UNC5D: variants seen among roughly 807,000 people sequenced by gnomAD.
UNC5D encodes the protein netrin receptor UNC5D.
Under a neutral mutation model 105.4 loss-of-function variants are expected in UNC5D, and 39 were observed. The observed-to-expected ratio is 0.37, with a 90% CI of 0.29 to 0.48. The LOEUF is 0.48. Ranked by LOEUF, UNC5D falls within the 20% of genes least tolerant of loss-of-function variation. The pLI, the probability that UNC5D is intolerant of heterozygous loss-of-function variation, is 0.98. For synonymous variants in UNC5D, 452 were observed against 450.4 expected (o/e 1.00, Z -0.04); for missense variants, 991 against 1,202.4 (o/e 0.82, Z 2.60).
chr8:35,268,491 G>C (rs1805048357), intron 1 of UNC5D, among the ~76,000 whole-genome samples: 1 of 152,118 alleles, frequency 6.6e-6, no homozygotes, highest in Non-Finnish European at 1.5e-5. Context: ...AACCAAAATA[G>C]TCAAAAGTAC....
intron 1 of UNC5D, among the ~76,000 whole-genome samples, chr8:35,369,646 C>G (rs1353287367): frequency 1.3e-5 from 2 of 152,092 alleles, no homozygotes; most frequent in East Asian, 3.9e-4. Context: ...GCTCTTTTTT[C>G]TCTTCTGGTT....
intron 1 of UNC5D, among the ~76,000 whole-genome samples, chr8:35,364,597 T>C (rs942562332): frequency 3.3e-5 from 5 of 152,172 alleles, no homozygotes; most frequent in Non-Finnish European, 5.9e-5. Flanking sequence ...GGAGTACCAT[T>C]GGTTTCAGGC....
At position 35,732,827 on chromosome 8, in the gene UNC5D, G is replaced by A. The variant is rs756296755; in HGVS notation, c.1766+1731G>A. ...ATGAGAACCAACTTAGGGCAATTTC[G>A]CATTTTCCAAGGCACCTCATTTACA... On this transcript the variant is annotated intron_variant, in intron 11 of 16. Transcript: ENST00000404895. 2.6e-5 allele frequency among the ~76,000 whole-genome samples: 4 copies of A among 151,970 alleles called. No individual in the cohort carries two copies. In the East Asian group the frequency reaches 5.8e-4, roughly 22 times the overall value.
intron 1 of UNC5D, among the ~76,000 whole-genome samples, chr8:35,361,083 G>T (rs1196944464): frequency 6.6e-6 from 1 of 152,030 alleles, no homozygotes; most frequent in Admixed American, 6.6e-5. Context: ...TAGCATGCTT[G>T]CCAGGATTGT....
intron 1 of UNC5D, among the ~76,000 whole-genome samples, chr8:35,335,627 T>C (rs1341497871): frequency 6.6e-6 from 1 of 152,124 alleles, no homozygotes; most frequent in Non-Finnish European, 1.5e-5. Context: ...CACTGCATGA[T>C]AGGATCTAAT....
At chr8:35,719,205 C>T (rs1828431363) in intron 8 of UNC5D, among the ~76,000 whole-genome samples, 1 of 149,964 alleles carries the variant, frequency 6.7e-6, no homozygotes, top group Non-Finnish European at 1.5e-5. Flanking sequence ...TCCCTTCTCT[C>T]ATGAAGTCAG....
chr8:35,537,583 G>A (rs539412230), intron 1 of UNC5D, among the ~76,000 whole-genome samples: 5 of 152,006 alleles, frequency 3.3e-5, no homozygotes, highest in African/African-American at 4.8e-5. Flanking sequence ...AAGGAGGCTG[G>A]GATAGGAGGA....
At chr8:35,735,513 T>C (rs1829422597) in intron 11 of UNC5D, among the ~76,000 whole-genome samples, 1 of 152,236 alleles carries the variant, frequency 6.6e-6, no homozygotes, top group African/African-American at 2.4e-5. Flanking sequence ...TGGTATGGTC[T>C]GCCCAGTAAG....
At chr8:35,564,522 C>T (rs1817193001) in intron 2 of UNC5D, among the ~76,000 whole-genome samples, 1 of 152,096 alleles carries the variant, frequency 6.6e-6, no homozygotes, top group African/African-American at 2.4e-5. Flanking sequence ...TCTCCAGAGC[C>T]TAGTGCCTCC....
At chr8:35,452,549 C>T (rs1281003528) in intron 1 of UNC5D, among the ~76,000 whole-genome samples, 1 of 152,168 alleles carries the variant, frequency 6.6e-6, no homozygotes, top group African/African-American at 2.4e-5. Context: ...CAGGCGTGAG[C>T]CACCGTGCCC....
intron 16 of UNC5D, among the ~76,000 whole-genome samples, chr8:35,775,532 CA>C (rs1293852171): frequency 6.6e-6 from 1 of 152,142 alleles, no homozygotes; most frequent in Non-Finnish European, 1.5e-5. Flanking sequence ...AAGCCCTCTG[CA>C]TGCCCCCAGA....
chr8:35,361,603 GGAAATTCACA>G (rs1801857862), intron 1 of UNC5D, among the ~76,000 whole-genome samples: 1 of 152,126 alleles, frequency 6.6e-6, no homozygotes, highest in African/African-American at 2.4e-5. Flanking sequence ...AAGCACTAAT[GGAAATTCACA>G]GATGCATGAG....
intron 7 of UNC5D, among the ~76,000 whole-genome samples, chr8:35,693,811 T>C (rs1382953408): frequency 1.3e-5 from 2 of 152,288 alleles, no homozygotes; most frequent in South Asian, 2.1e-4. Context: ...GGAAGTCCTA[T>C]GTAGCACTTC....
intron 4 of UNC5D, among the ~76,000 whole-genome samples, chr8:35,680,963 A>T (rs1225080139): frequency 6.6e-6 from 1 of 152,194 alleles, no homozygotes; most frequent in African/African-American, 2.4e-5. Context: ...TGAATTTCTG[A>T]CCTAGGAGGA....
intron 3 of UNC5D, among the ~76,000 whole-genome samples, chr8:35,589,334 G>A (rs1028851692): frequency 6.6e-6 from 1 of 150,968 alleles, no homozygotes; most frequent in Non-Finnish European, 1.5e-5. Flanking sequence ...TAAGTTATTA[G>A]CAAGTGTTCA....
chr8:35,512,535 GTATGTATATA>G (rs1436261020), intron 1 of UNC5D, among the ~76,000 whole-genome samples: 3 of 33,448 alleles, frequency 9.0e-5, no homozygotes, highest in African/African-American at 2.2e-4. Context: ...ATTCAGATAT[GTATGTATATA>G]TATATATATA....
At chr8:35,677,170 A>AC (rs1246794844) in intron 4 of UNC5D, among the ~76,000 whole-genome samples, 1 of 152,202 alleles carries the variant, frequency 6.6e-6, no homozygotes, top group Non-Finnish European at 1.5e-5. Flanking sequence ...TAAATTAAAG[A>AC]CCACCATGAC....
intron 1 of UNC5D, among the ~76,000 whole-genome samples, chr8:35,466,705 AT>A (rs1809330532): frequency 6.6e-6 from 1 of 152,170 alleles, no homozygotes. Flanking sequence ...TGCCATCATA[AT>A]TTACAGATTT....
rs1813283422 is a variant in UNC5D, at chr8:35,518,904, C to A, written c.104-30388C>A. Among the ~76,000 whole-genome samples, 5 of 152,066 alleles carry A rather than the reference C, an allele frequency of 3.3e-5. No individual in the cohort carries two copies. In the South Asian group the frequency reaches 1.0e-3, roughly 32 times the overall value. On this transcript the variant is annotated intron_variant, in intron 1 of 16. Coordinates refer to ENST00000404895, the MANE Select transcript of UNC5D (RefSeq NM_080872.4). ...AATACTAGAGTAGGAGTCCACAGAT[C>A]CCTTTGGTTACATATTTGTGTCTCA...
Sources: gnomAD v4.1 joint callset for allele counts (sites outside exome capture counted in the v4.1 genomes callset) on GRCh38, gnomAD v4.1.1 for gene constraint, MANE v1.5 for transcripts, NCBI Gene and HGNC (gene_info 2026-07-23, HGNC 2026-07-21) for gene names.